Variants in GRIK1 observed in about 807,000 individuals in gnomAD.
GRIK1 encodes glutamate receptor ionotropic, kainate 1.
In GRIK1, 69 loss-of-function variants were observed where a neutral mutation model predicts 105.7. The ratio of observed to expected loss-of-function variants is 0.65; its 90% CI spans 0.54 to 0.80. The LOEUF (loss-of-function observed/expected upper bound fraction) is 0.80. Among genes scored for constraint, GRIK1 ranks in the 30% least tolerant of loss-of-function variants. The pLI, the probability that GRIK1 is intolerant of heterozygous loss-of-function variation, is 0.00. For missense variants in GRIK1, 1,109 were observed against 1,167.3 expected, an observed-to-expected ratio of 0.95 and a Z score of 0.73; for synonymous variants, 438 against 431.3, an observed-to-expected ratio of 1.02 and a Z score of -0.19.
Position 29,537,326 on chromosome 21 carries a change from T to C in GRIK1, c.2754A>G (p.Lys918=). The change falls in exon 18 of 18, where the codon AAA becomes AAG. Residue 918 remains lysine, a synonymous_variant. Coordinates refer to ENST00000327783, the MANE Select transcript of GRIK1 (RefSeq NM_001330994.2). ...ELGISLKNQK[K]IKKKSRTKGK... ...CCTTAGTTCTTGACTTTTTCTTTAT[T>C]TTTTTCTGATTCTTCAGTGAGATTC... 2 of 1,611,842 alleles carry C rather than the reference T, an allele frequency of 1.2e-6. No homozygotes were observed. Among genetic ancestry groups the C allele is most frequent in the Non-Finnish European group, 1.7e-6 (2 of 1,178,414 alleles).
intron 1 of GRIK1, among the ~76,000 whole-genome samples, chr21:29,834,831 TATTTA>T (rs1219656029): frequency 9.3e-5 from 14 of 150,430 alleles, no homozygotes; most frequent in Non-Finnish European, 1.9e-4. Context: ...AATATTATTT[TATTTA>T]TTCAATATTA....
At chr21:29,821,035 C>T (rs1402312052) in intron 1 of GRIK1, among the ~76,000 whole-genome samples, 1 of 149,184 alleles carries the variant, frequency 6.7e-6, no homozygotes, top group Non-Finnish European at 1.5e-5. Flanking sequence ...CTGTTAGGAG[C>T]ACCAACCCTC....
At chr21:29,704,534 C>T (rs919686827) in intron 1 of GRIK1, among the ~76,000 whole-genome samples, 4 of 152,156 alleles carry the variant, frequency 2.6e-5, no homozygotes, top group African/African-American at 9.7e-5. Flanking sequence ...GAGCTAAATG[C>T]AATGATTTGG....
At chr21:29,600,870 G>A (rs767648657) in intron 7 of GRIK1, among the ~76,000 whole-genome samples, 5 of 152,190 alleles carry the variant, frequency 3.3e-5, no homozygotes, top group South Asian at 2.1e-4. Context: ...TACAAATCAC[G>A]ACCAGATTCA....
intron 3 of GRIK1, among the ~76,000 whole-genome samples, chr21:29,684,015 C>T (rs781180355): frequency 1.3e-5 from 2 of 152,222 alleles, no homozygotes; most frequent in Non-Finnish European, 2.9e-5. Flanking sequence ...TCCCTGGTAT[C>T]CTTACATAAA....
intron 1 of GRIK1, among the ~76,000 whole-genome samples, chr21:29,804,766 G>A (rs1273706289): frequency 6.6e-6 from 1 of 152,168 alleles, no homozygotes; most frequent in Non-Finnish European, 1.5e-5. Context: ...CAGTTTGTGT[G>A]TGTAAAAAGA....
chr21:29,689,478 AGAT>A (rs1198949064), intron 3 of GRIK1, among the ~76,000 whole-genome samples: 4 of 152,364 alleles, frequency 2.6e-5, no homozygotes, highest in East Asian at 1.9e-4. Flanking sequence ...TATACTGATA[AGAT>A]GATATTTCTT....
intron 10 of GRIK1, among the ~76,000 whole-genome samples, chr21:29,590,625 G>T (rs2061319312): frequency 6.6e-6 from 1 of 152,158 alleles, no homozygotes; most frequent in African/African-American, 2.4e-5. Context: ...CAGGAGGGAG[G>T]AAAGAATACT....
chr21:29,863,763 G>GT (rs980688526), intron 1 of GRIK1, among the ~76,000 whole-genome samples: 1 of 152,044 alleles, frequency 6.6e-6, no homozygotes, highest in African/African-American at 2.4e-5. Flanking sequence ...ACTATTTTAT[G>GT]TTTTTGCGCA....
At chr21:29,930,018 C>A (rs113214496) in intron 1 of GRIK1, among the ~76,000 whole-genome samples, 6 of 152,308 alleles carry the variant, frequency 3.9e-5, no homozygotes, top group Non-Finnish European at 5.9e-5. Flanking sequence ...TTTGCTGCAA[C>A]ATGAATAAAC....
chr21:29,598,769 A>G (rs760114202), intron 8 of GRIK1, 61 bp downstream of exon 8: 31 of 744,934 alleles, frequency 4.2e-5, no homozygotes, highest in South Asian at 4.1e-4. Context: ...TTTGCAATTT[A>G]GTAAAAATGC....
At chr21:29,564,760 T>C (rs1380128679) in intron 14 of GRIK1, among the ~76,000 whole-genome samples, 2 of 152,184 alleles carry the variant, frequency 1.3e-5, no homozygotes, top group Admixed American at 1.3e-4. Flanking sequence ...TATTCAACAG[T>C]ATGCAGGTGG....
intron 1 of GRIK1, among the ~76,000 whole-genome samples, chr21:29,786,426 G>A (rs979625727): frequency 6.6e-6 from 1 of 152,126 alleles, no homozygotes; most frequent in Non-Finnish European, 1.5e-5. Flanking sequence ...CTCAGTTTCT[G>A]GGGGATTAGG....
At chr21:29,862,623 G>T (rs2068681843) in intron 1 of GRIK1, among the ~76,000 whole-genome samples, 1 of 152,090 alleles carries the variant, frequency 6.6e-6, no homozygotes. Context: ...CATTTATCAT[G>T]ACATCTTGGA....
At chr21:29,927,778 G>A (rs2071429022) in intron 1 of GRIK1, among the ~76,000 whole-genome samples, 1 of 152,078 alleles carries the variant, frequency 6.6e-6, no homozygotes, top group South Asian at 2.1e-4. Context: ...TGCTGAGGCA[G>A]GAGAATCACT....
chr21:29,669,981 C>T (rs1258135112), intron 4 of GRIK1, among the ~76,000 whole-genome samples: 1 of 152,140 alleles, frequency 6.6e-6, no homozygotes, highest in Non-Finnish European at 1.5e-5. Context: ...CAGAAAAGTT[C>T]TGATGTCTCC....
chr21:29,695,159 A>C (rs2063671261), intron 1 of GRIK1, among the ~76,000 whole-genome samples: 1 of 152,194 alleles, frequency 6.6e-6, no homozygotes, highest in Admixed American at 6.5e-5. Context: ...TTAAAGCCTC[A>C]TCAGAGAATG....
chr21:29,794,907 G>T (rs914162831), intron 1 of GRIK1, among the ~76,000 whole-genome samples: 2 of 151,744 alleles, frequency 1.3e-5, no homozygotes, highest in African/African-American at 4.8e-5. Flanking sequence ...CATCCCAAAT[G>T]ACAGCATTTT....
At chr21:29,706,592 C>T (rs879682613) in intron 1 of GRIK1, among the ~76,000 whole-genome samples, 8 of 152,130 alleles carry the variant, frequency 5.3e-5, no homozygotes, top group Admixed American at 5.2e-4. Flanking sequence ...AGTTATTTCT[C>T]AGAGAAAATT....
Sources: gnomAD v4.1 joint callset for allele counts (sites outside exome capture counted in the v4.1 genomes callset) on GRCh38, gnomAD v4.1.1 for gene constraint, MANE v1.5 for transcripts, NCBI Gene and HGNC (gene_info 2026-07-23, HGNC 2026-07-21) for gene names.